The following PRKAG2 variants were observed in gnomAD, a reference collection of about 807,000 sequenced individuals.
The protein encoded by PRKAG2 is 5'-AMP-activated protein kinase subunit gamma-2.
PRKAG2 carries 26 observed loss-of-function variants against 69.6 expected under a neutral mutation model. That is an observed-to-expected ratio of 0.37 (90% CI 0.27 to 0.52). PRKAG2 has a LOEUF of 0.52. Among genes scored for constraint, PRKAG2 ranks in the 20% least tolerant of loss-of-function variants. The pLI, the probability that PRKAG2 is intolerant of heterozygous loss-of-function variation, is 0.90. For missense variants in PRKAG2, 557 were observed against 740.0 expected, an observed-to-expected ratio of 0.75 and a Z score of 2.87; for synonymous variants, 293 against 285.0, an observed-to-expected ratio of 1.03 and a Z score of -0.28.
Position 151,700,595 on chromosome 7 carries a change from T to A in PRKAG2, c.467-24958A>T, listed in dbSNP as rs755250940. Among the ~76,000 whole-genome samples the A allele has an allele frequency of 2.8e-4, 42 of 152,264 alleles. 1 individual carries two copies. The highest frequency in any genetic ancestry group is 1.6e-3 in the Admixed American group (25 of 15,296). On this transcript the variant is annotated intron_variant, in intron 3 of 15. Coordinates refer to ENST00000287878, the MANE Select transcript of PRKAG2 (RefSeq NM_016203.4). ...TGGGATGGAGGTCCAGAAATTGGCT[T>A]TTCTGATGAGGTTCCAGGTAATGCC...
intron 3 of PRKAG2, among the ~76,000 whole-genome samples, chr7:151,773,090 G>A (rs1586427711): frequency 1.3e-5 from 1 of 77,502 alleles, no homozygotes. Context: ...AGGGAGGGAG[G>A]GAGGGAAGGG....
At chr7:151,568,630 G>T in intron 11 of PRKAG2, 86 bp downstream of exon 11, 1 of 1,441,664 alleles carries the variant, frequency 6.9e-7, no homozygotes, top group Non-Finnish European at 9.7e-7. Context: ...TTCTTCTACT[G>T]AGGGTAACAG....
At chr7:151,754,349 A>T (rs1057250224) in intron 3 of PRKAG2, among the ~76,000 whole-genome samples, 1 of 152,230 alleles carries the variant, frequency 6.6e-6, no homozygotes, top group African/African-American at 2.4e-5. Context: ...GGAAACTTGG[A>T]TGCCGCACAT....
intron 1 of PRKAG2, among the ~76,000 whole-genome samples, chr7:151,801,153 A>G (rs1163882871): frequency 6.6e-6 from 1 of 152,238 alleles, no homozygotes; most frequent in Non-Finnish European, 1.5e-5. Flanking sequence ...TAGGTTCCCC[A>G]GGAAATGGGA....
intron 3 of PRKAG2, among the ~76,000 whole-genome samples, chr7:151,772,947 T>G (rs1050136270): frequency 1.3e-5 from 2 of 150,164 alleles, no homozygotes; most frequent in Non-Finnish European, 3.0e-5. Context: ...GCCACTGTAC[T>G]CTGGCCTGGA....
chr7:151,685,484 T>C (rs1234758040), intron 3 of PRKAG2, among the ~76,000 whole-genome samples: 3 of 152,202 alleles, frequency 2.0e-5, no homozygotes, highest in South Asian at 2.1e-4. Context: ...TAATTTCTAA[T>C]ATAGGCTAGG....
At chr7:151,745,130 G>A (rs1586235153) in intron 3 of PRKAG2, among the ~76,000 whole-genome samples, 1 of 152,236 alleles carries the variant, frequency 6.6e-6, no homozygotes. Context: ...AAGCAGGTGA[G>A]GATGCACTAC....
intron 1 of PRKAG2, among the ~76,000 whole-genome samples, chr7:151,791,624 A>G (rs1246282546): frequency 6.6e-6 from 1 of 152,268 alleles, no homozygotes; most frequent in Admixed American, 6.5e-5. Flanking sequence ...GGAGATAAAA[A>G]GGTGAATTTT....
At chr7:151,861,779 G>A (rs778024217) in intron 1 of PRKAG2, among the ~76,000 whole-genome samples, 5 of 151,922 alleles carry the variant, frequency 3.3e-5, no homozygotes, top group Admixed American at 6.6e-5. Flanking sequence ...GTATTTTACC[G>A]GTGAGGAAAC....
Position 151,836,332 on chromosome 7 carries a change from C to G in PRKAG2, c.114+40175G>C, listed in dbSNP as rs1563741425. On this transcript the variant is annotated intron_variant, in intron 1 of 15. Coordinates refer to ENST00000287878, the MANE Select transcript of PRKAG2 (RefSeq NM_016203.4). The surrounding 1 kb of genome is among the most constrained non-coding windows in gnomAD (Gnocchi z 4.1). ...GACTGCAGGCTGACACACCTGGGTC[C>G]ACAGGCTGGATTCTCAAGAGGGGCG... 1.3e-5 allele frequency among the ~76,000 whole-genome samples: 2 copies of G among 152,174 alleles called. No homozygotes were observed.
chr7:151,729,107 T>TCACCACTCCAGGCTCAA lies in PRKAG2; in HGVS notation c.466+52044_466+52045insTTGAGCCTGGAGTGGTG, dbSNP rs1798484166. ...CAGGCAGCGCTTGGTGACAGTGACG[T>TCACCACTCCAGGCTCAA]AGGGAGAACAGGCAGATGGGTTATG... On this transcript the variant is annotated intron_variant, in intron 3 of 15. Coordinates refer to ENST00000287878, the MANE Select transcript of PRKAG2 (RefSeq NM_016203.4). Among the ~76,000 whole-genome samples, 18 of 137,508 alleles carry TCACCACTCCAGGCTCAA rather than the reference T, an allele frequency of 1.3e-4. No individual in the cohort carries two copies. The South Asian group carries it at 4.1e-3, about 31-fold the overall frequency. 90.2% of individuals were successfully genotyped at this position (137,508 alleles called of 152,430 possible). A position where few individuals can be genotyped will look rare whatever the true frequency, so the allele number is the denominator to read the frequency against.
intron 8 of PRKAG2, among the ~76,000 whole-genome samples, chr7:151,574,400 CA>C (rs896823455): frequency 4.6e-5 from 7 of 152,150 alleles, no homozygotes; most frequent in Non-Finnish European, 1.5e-5. Flanking sequence ...TAAAATCAGC[CA>C]GGAGCTGTCT....
chr7:151,584,583 C>T lies in PRKAG2; in HGVS notation c.865-8131G>A, dbSNP rs139799798. On this transcript the variant is annotated intron_variant, in intron 6 of 15. Transcript: ENST00000287878. ...GTCTCAGAGCTGCTCACTGAAGTTCCGGAGAAAAGCAAGCACTGGGAAGAA... is the reference window on the plus strand; with the variant it reads ...GTCTCAGAGCTGCTCACTGAAGTTCTGGAGAAAAGCAAGCACTGGGAAGAA... Among the ~76,000 whole-genome samples the T allele has an allele frequency of 1.5e-3, 227 of 152,120 alleles. 1 individual carries two copies. The highest frequency in any genetic ancestry group is 5.3e-3 in the African/African-American group (220 of 41,492).
chr7:151,703,907 CACAA>C lies in PRKAG2; in HGVS notation c.467-28274_467-28271del, dbSNP rs1335313956. Among the ~76,000 whole-genome samples the C allele has an allele frequency of 3.1e-3, 411 of 130,566 alleles. 9 individuals are homozygous for C. Among genetic ancestry groups the C allele is most frequent in the African/African-American group, 0.012 (370 of 31,582 alleles). The allele number at this position is 130,566 out of a possible 152,430, so 85.7% of individuals were successfully genotyped here. A position where few individuals can be genotyped will look rare whatever the true frequency, so the allele number is the denominator to read the frequency against. On this transcript the variant is annotated intron_variant, in intron 3 of 15. Transcript: ENST00000287878. ...ACACACACACACACACACACACACA[CACAA>C]ATTAGCTAGGCATGGTGGCAGGTGC... is the stretch of plus-strand genomic sequence containing the variant.
chr7:151,738,636 T>G (rs1819812), intron 3 of PRKAG2, among the ~76,000 whole-genome samples: 17,669 of 152,342 alleles, frequency 0.12, 1,141 homozygotes, highest in South Asian at 0.27. Flanking sequence ...CCTGCTGCAG[T>G]TAACTAGCCC....
chr7:151,845,376 G>A (rs1020188789), intron 1 of PRKAG2, among the ~76,000 whole-genome samples: 8 of 152,084 alleles, frequency 5.3e-5, no homozygotes, highest in African/African-American at 1.9e-4. Flanking sequence ...CGTGGTTCCC[G>A]GACCAGCAGC....
At chr7:151,597,705 G>C (rs1374384197) in intron 5 of PRKAG2, among the ~76,000 whole-genome samples, 3 of 151,580 alleles carry the variant, frequency 2.0e-5, no homozygotes, top group African/African-American at 7.3e-5. Flanking sequence ...AGTCACTGGA[G>C]AAATGCAAAT....
intron 1 of PRKAG2, among the ~76,000 whole-genome samples, chr7:151,847,351 G>A (rs1006376014): frequency 6.7e-6 from 1 of 148,770 alleles, no homozygotes; most frequent in African/African-American, 2.6e-5. Context: ...TGGGGCGACA[G>A]GAGCCTACTG....
At position 151,781,378 on chromosome 7, in the gene PRKAG2, G is replaced by C. The variant is rs142482217; in HGVS notation, c.240C>G (p.Gly80=). 1 of 1,612,690 alleles carries C rather than the reference G, an allele frequency of 6.2e-7. No homozygotes were observed. Among genetic ancestry groups the C allele is most frequent in the East Asian group, 2.2e-5 (1 of 44,860 alleles). ...TGGGGCTGGAGGGCCGGGGCTGGGG[G>C]CCTCTGGAGAAGAACCCTTTGGAGG... The part of the protein sequence containing the change: ...GSPSKGFFSR[G]PQPRPSSPMS... The change falls in exon 3 of 16, where the codon GGC becomes GGG. Residue 80 remains glycine, a synonymous_variant. Transcript: ENST00000287878. The surrounding 1 kb of genome is among the most constrained non-coding windows in gnomAD (Gnocchi z 6.1).
Sources: allele counts gnomAD v4.1 joint callset (sites outside exome capture counted in the v4.1 genomes callset), GRCh38; gene constraint gnomAD v4.1.1; non-coding constraint Gnocchi (gnomAD v3.1); transcripts MANE v1.5; gene names NCBI Gene and HGNC (gene_info 2026-07-23, HGNC 2026-07-21).